Variants in DLG5 observed in about 807,000 individuals in gnomAD.
DLG5 encodes disks large homolog 5.
Under a neutral mutation model 189.8 loss-of-function variants are expected in DLG5, and 48 were observed. The ratio of observed to expected loss-of-function variants is 0.25; its 90% confidence interval spans 0.20 to 0.32. The LOEUF (loss-of-function observed/expected upper bound fraction) is 0.32. DLG5 is among the 10% of genes least tolerant of loss of function. DLG5 has a pLI of 1.00. For synonymous variants in DLG5, 1,016 were observed against 1,054.1 expected, an observed-to-expected ratio of 0.96 and a Z score of 0.70; for missense variants, 2,160 against 2,544.7, an observed-to-expected ratio of 0.85 and a Z score of 3.25.
chr10:77,880,618 C>G (rs1365834808), intron 1 of DLG5, among the ~76,000 whole-genome samples: 4 of 152,144 alleles, frequency 2.6e-5, no homozygotes, highest in Non-Finnish European at 4.4e-5. Flanking sequence ...CCACCTACCC[C>G]CTGAACTTCC....
At chr10:77,884,752 C>A (rs957874867) in intron 1 of DLG5, among the ~76,000 whole-genome samples, 3 of 152,146 alleles carry the variant, frequency 2.0e-5, no homozygotes, top group Admixed American at 6.5e-5. Flanking sequence ...GCGCTCTGGG[C>A]AGCCCTGCCC....
In DLG5 at chr10:77,830,162, T is replaced by C. The variant is rs181244344; in HGVS notation, c.2009+55A>G. The C allele has an allele frequency of 5.1e-3, 8,137 of 1,609,032 alleles. 33 individuals are homozygous for C. The highest frequency in any genetic ancestry group is 6.4e-3 in the Non-Finnish European group (7,524 of 1,177,778). On this transcript the variant is annotated intron_variant, in intron 11 of 31. Coordinates refer to ENST00000372391, the MANE Select transcript of DLG5 (RefSeq NM_004747.4). ...GCTACCTGGCTCTCTTCGGGTCCTC[T>C]GCACTGGGAAGAAGGGCCCCACCTT...
chr10:77,859,000 G>A (rs754819796), intron 2 of DLG5, among the ~76,000 whole-genome samples: 2 of 152,104 alleles, frequency 1.3e-5, no homozygotes, highest in Non-Finnish European at 1.5e-5. Context: ...GGCCTCCTAA[G>A]TAGCTGGGAC....
rs553742737 is a variant in DLG5 at position 77,802,118 on chromosome 10, G to C, written c.5164+3547C>G. 3.1e-4 allele frequency among the ~76,000 whole-genome samples: 47 copies of C among 152,336 alleles called. 1 individual carries two copies. In the South Asian group the frequency reaches 7.3e-3, roughly 24 times the overall value. On this transcript the variant is annotated intron_variant, in intron 27 of 31. Coordinates refer to ENST00000372391, the MANE Select transcript of DLG5 (RefSeq NM_004747.4). ...CAGGCTCTCTCCTCAAGCCCGGAGGGAGCGAAGGTTGGCCAACAATTTGAC... is the reference window on the plus strand; with the variant it reads ...CAGGCTCTCTCCTCAAGCCCGGAGGCAGCGAAGGTTGGCCAACAATTTGAC...
At chr10:77,908,956 C>T (rs1846141893) in intron 1 of DLG5, among the ~76,000 whole-genome samples, 1 of 152,110 alleles carries the variant, frequency 6.6e-6, no homozygotes, top group African/African-American at 2.4e-5. Flanking sequence ...AAAAGCTCCA[C>T]AATAGAGCAA....
rs1466402368 is a variant in DLG5 at position 77,843,454 on chromosome 10, G to A, written c.1117C>T (p.Leu373=). 70 of 1,613,508 alleles carry A rather than the reference G, an allele frequency of 4.3e-5. No homozygotes were observed. The highest frequency in any genetic ancestry group is 5.8e-5 in the Non-Finnish European group (69 of 1,180,036). Residue 373 remains leucine (L), a synonymous_variant, in exon 6 of 32, where the codon CTG becomes TTG. Coordinates refer to ENST00000372391, the MANE Select transcript of DLG5 (RefSeq NM_004747.4). Reference sequence around the variant, plus strand: ...CGATGGCCCTAGCCCTACCTCCTCAGGGAGAGGGCGCACTGGTGCTGCAGC... The same window carrying A: ...CGATGGCCCTAGCCCTACCTCCTCAAGGAGAGGGCGCACTGGTGCTGCAGC... The part of the protein sequence containing the change: ...IQLQHQCALS[L]RRFEAIHHEL...
In DLG5 at chr10:77,859,006, G is replaced by A. The variant is rs562678828; in HGVS notation, c.374-2114C>T. ...TCTCACCTCGGCCTCCTAAGTAGCTGGGACTACAGGCATGTGCCACCACAC... is the reference window on the plus strand; with the variant it reads ...TCTCACCTCGGCCTCCTAAGTAGCTAGGACTACAGGCATGTGCCACCACAC... On this transcript the variant is annotated intron_variant, in intron 2 of 31. Transcript: ENST00000372391. Among the ~76,000 whole-genome samples the A allele has an allele frequency of 1.4e-4, 21 of 152,182 alleles. 1 individual carries two copies. The South Asian group carries it at 4.2e-3, about 30-fold the overall frequency.
In DLG5 at chr10:77,796,109, G is replaced by A; in HGVS notation, c.5388C>T (p.Gly1796=). Residue 1796 remains glycine, a synonymous_variant, in exon 29 of 32, where the codon GGC becomes GGT. Transcript: ENST00000372391. This position sits in a 1 kb window ranked among gnomAD's most constrained non-coding sequence, Gnocchi z 5.2. ...ACGCCACAGTGGTCACATCGAAATG[G>A]CCGCTTCTCCGCTTATAGTCGACAA... ...CLFVDYKRRS[G]HFDVTTVASI... The A allele has an allele frequency of 6.2e-7, 1 of 1,614,182 alleles. No individual in the cohort carries two copies. Among genetic ancestry groups the A allele is most frequent in the South Asian group, 1.1e-5 (1 of 91,078 alleles).
chr10:77,816,073 G>A (rs111973858), intron 20 of DLG5: 61 of 460,314 alleles, frequency 1.3e-4, no homozygotes, highest in African/African-American at 9.3e-4. Flanking sequence ...AGAAAGCTTC[G>A]AATGAGAGGG....
intron 2 of DLG5, among the ~76,000 whole-genome samples, chr10:77,861,279 T>C (rs577773299): frequency 3.5e-4 from 54 of 152,360 alleles, no homozygotes; most frequent in East Asian, 3.1e-3. Flanking sequence ...AGAATGGCTA[T>C]TCTATGCTAT....
At chr10:77,823,274 ATTTAG>A (rs1842456464) in intron 14 of DLG5, among the ~76,000 whole-genome samples, 1 of 152,212 alleles carries the variant, frequency 6.6e-6, no homozygotes, top group African/African-American at 2.4e-5. Flanking sequence ...AAAATAGTTA[ATTTAG>A]AAAACATCTC....
rs771333056 is a variant in DLG5, at chr10:77,791,582, T to C, written c.*858A>G. On this transcript the variant is annotated 3_prime_UTR_variant, in exon 32 of 32. Transcript: ENST00000372391. ...AAGTTTAAGAATTACCCTGCAAACA[T>C]TGCACTGATGAAGGCTGTCACGACT... The C allele has an allele frequency of 3.9e-5, 6 of 152,306 alleles. No homozygotes were observed. The highest frequency in any genetic ancestry group is 1.9e-4 in the East Asian group (1 of 5,188). The allele number at this position is 152,306 out of a possible 1,614,324, so 9.4% of individuals were successfully genotyped here.
rs961140807 is a variant in DLG5 at position 77,811,343 on chromosome 10, C to G, written c.4323-109G>C. The G allele has an allele frequency of 6.5e-5, 90 of 1,386,328 alleles. 1 individual carries two copies. In the South Asian group the frequency reaches 1.2e-3, roughly 18 times the overall value. 85.9% of individuals were successfully genotyped at this position (1,386,328 alleles called of 1,614,324 possible). On this transcript the variant is annotated intron_variant, in intron 22 of 31. Transcript: ENST00000372391. ...TATAAATGGGGACCAGGTCACATAGCCCTGCACCCTGTGCCCTGAGCAGAG... is the reference window on the plus strand; with the variant it reads ...TATAAATGGGGACCAGGTCACATAGGCCTGCACCCTGTGCCCTGAGCAGAG...
intron 6 of DLG5, 65 bp from the exon 7 acceptor site, chr10:77,842,258 C>T: frequency 6.5e-7 from 1 of 1,545,104 alleles, no homozygotes; most frequent in Middle Eastern, 1.8e-4. Context: ...GCCGGCTGCG[C>T]TGCTGCCTCC....
intron 1 of DLG5, among the ~76,000 whole-genome samples, chr10:77,902,866 T>A (rs1182354189): frequency 1.8e-5 from 2 of 110,016 alleles, no homozygotes; most frequent in African/African-American, 5.2e-5. Flanking sequence ...TCTCAAAAAA[T>A]AAATAAAAAA....
intron 1 of DLG5, among the ~76,000 whole-genome samples, chr10:77,913,338 G>A (rs1326150423): frequency 6.6e-6 from 1 of 152,168 alleles, no homozygotes; most frequent in African/African-American, 2.4e-5. Context: ...TCAACTAAAT[G>A]CAGTGGGTGG....
intron 13 of DLG5, 47 bp downstream of exon 13, chr10:77,828,835 T>C: frequency 6.3e-7 from 1 of 1,595,362 alleles, no homozygotes; most frequent in Non-Finnish European, 8.6e-7. Context: ...CCAAATGTAA[T>C]CTGCCTATGC....
intron 3 of DLG5, 125 bp from the exon 4 acceptor site, chr10:77,854,495 C>G: frequency 7.9e-7 from 1 of 1,265,934 alleles, no homozygotes; most frequent in Non-Finnish European, 1.1e-6. Flanking sequence ...ACCACACACA[C>G]CTGGGTGTTT....
chr10:77,919,982 C>T (rs1408785901), intron 1 of DLG5, among the ~76,000 whole-genome samples: 10 of 152,190 alleles, frequency 6.6e-5, no homozygotes, highest in African/African-American at 1.9e-4. Flanking sequence ...ACTATTCATT[C>T]GTTCAACAAA....
Sources: allele counts gnomAD v4.1 joint callset (sites outside exome capture counted in the v4.1 genomes callset), GRCh38; gene constraint gnomAD v4.1.1; non-coding constraint Gnocchi (gnomAD v3.1); transcripts MANE v1.5; gene names NCBI Gene and HGNC (gene_info 2026-07-23, HGNC 2026-07-21).